Variants in DIPK1A observed in about 807,000 individuals in gnomAD.
The protein encoded by DIPK1A is divergent protein kinase domain 1A.
DIPK1A carries 27 observed loss-of-function variants against 40.8 expected under a neutral mutation model. The observed-to-expected ratio is 0.66, with a 90% confidence interval of 0.49 to 0.91. The LOEUF (loss-of-function observed/expected upper bound fraction) is 0.91. Among genes scored for constraint, DIPK1A ranks in the 40% least tolerant of loss-of-function variants. The pLI is 0.00. For synonymous variants in DIPK1A, 166 were observed against 171.3 expected (o/e 0.97, Z 0.24); for missense variants, 412 against 505.7 (o/e 0.81, Z 1.78).
rs1463286414 is a variant in DIPK1A, at chr1:92,947,390, T to C, written c.54+13986A>G. Among the ~76,000 whole-genome samples, 5 of 152,054 alleles carry C rather than the reference T, an allele frequency of 3.3e-5. No individual in the cohort carries two copies. In the East Asian group the frequency reaches 7.7e-4, roughly 23 times the overall value. On this transcript the variant is annotated intron_variant, in intron 1 of 4. Transcript: ENST00000370310. Reference sequence around the variant, plus strand: ...AGGGAAATGCAAATCAAAACTACAATGAGCTATCATCTCACCCCAGTTAGA... The same window carrying C: ...AGGGAAATGCAAATCAAAACTACAACGAGCTATCATCTCACCCCAGTTAGA...
chr1:92,913,201 A>G (rs1009319146), intron 1 of DIPK1A, among the ~76,000 whole-genome samples: 2 of 152,236 alleles, frequency 1.3e-5, no homozygotes, highest in Non-Finnish European at 2.9e-5. Context: ...ATGAGGTGTT[A>G]GCTTTCTAAT....
At chr1:92,889,072 A>T (rs1557470768) in intron 1 of DIPK1A, among the ~76,000 whole-genome samples, 2 of 152,144 alleles carry the variant, frequency 1.3e-5, no homozygotes, top group South Asian at 4.1e-4. Flanking sequence ...TCTCCATAAG[A>T]TCTTTGCCCA....
In DIPK1A at chr1:92,876,427, G is replaced by T. The variant is rs374076768; in HGVS notation, c.58C>A (p.Arg20Ser). 1 of 1,611,104 alleles carries T rather than the reference G, an allele frequency of 6.2e-7. No individual in the cohort carries two copies. The highest frequency in any genetic ancestry group is 8.5e-7 in the Non-Finnish European group (1 of 1,179,040). ...TATTTCATCCGCACATATGAGAAGC[G>T]AGCCTGTGAGTAAAAAAGAACATAA... is the stretch of plus-strand genomic sequence containing the variant. ...WLRKPYYLQA[R>S]FSYVRMKYLF... The change falls in exon 2 of 5, where the codon CGC (arginine) becomes AGC (serine). Residue 20 changes from arginine to serine, a missense_variant. Arg to Ser is a moderately radical substitution (Grantham distance 110). Coordinates refer to ENST00000370310, the MANE Select transcript of DIPK1A (RefSeq NM_001006605.5).
chr1:92,867,469 G>T (rs1350646708), intron 2 of DIPK1A, among the ~76,000 whole-genome samples: 1 of 152,146 alleles, frequency 6.6e-6, no homozygotes, highest in African/African-American at 2.4e-5. Context: ...TGGAACACAA[G>T]ATAGACCACA....
At position 92,912,991 on chromosome 1, in the gene DIPK1A, G is replaced by A. The variant is rs141006936; in HGVS notation, c.55-36561C>T. 6.1e-4 allele frequency among the ~76,000 whole-genome samples: 92 copies of A among 152,052 alleles called. 1 individual carries two copies. In the East Asian group the frequency reaches 0.017, roughly 28 times the overall value. Reference sequence around the variant, plus strand: ...TGGTGGCATGCATCTGTATACCCAGGTACTCAGGAAGCTAAGGCAGGAGAA... The same window carrying A: ...TGGTGGCATGCATCTGTATACCCAGATACTCAGGAAGCTAAGGCAGGAGAA... On this transcript the variant is annotated intron_variant, in intron 1 of 4. Coordinates refer to ENST00000370310, the MANE Select transcript of DIPK1A (RefSeq NM_001006605.5).
At chr1:92,920,058 G>A (rs1650211788) in intron 1 of DIPK1A, among the ~76,000 whole-genome samples, 2 of 152,198 alleles carry the variant, frequency 1.3e-5, no homozygotes, top group Admixed American at 6.5e-5. Context: ...ATTCAAAGAT[G>A]CATGAGACAT....
intron 1 of DIPK1A, among the ~76,000 whole-genome samples, chr1:92,898,244 A>G (rs1649265799): frequency 6.6e-6 from 1 of 152,168 alleles, no homozygotes; most frequent in Non-Finnish European, 1.5e-5. Flanking sequence ...TCATGGTGAA[A>G]GTGACAGGGA....
intron 2 of DIPK1A, among the ~76,000 whole-genome samples, chr1:92,859,076 C>G (rs574325439): frequency 3.3e-5 from 5 of 152,212 alleles, no homozygotes; most frequent in Non-Finnish European, 7.4e-5. Context: ...GAAACCCACC[C>G]GAGTTGAATG....
chr1:92,873,701 T>A (rs982459457), intron 2 of DIPK1A, among the ~76,000 whole-genome samples: 2 of 152,074 alleles, frequency 1.3e-5, no homozygotes, highest in African/African-American at 4.8e-5. Context: ...GGCTTTAAAA[T>A]ATACTTTTAA....
At chr1:92,933,682 A>C (rs769225276) in intron 1 of DIPK1A, 3 of 152,250 alleles carry the variant, frequency 2.0e-5, no homozygotes, top group African/African-American at 7.2e-5. Flanking sequence ...ATGCTGACCT[A>C]TATCTGCAAG....
chr1:92,955,195 G>A (rs572631538), intron 1 of DIPK1A, among the ~76,000 whole-genome samples: 4 of 151,932 alleles, frequency 2.6e-5, no homozygotes, highest in Non-Finnish European at 5.9e-5. Context: ...GGGGACAGAA[G>A]GATAAATAAG....
intron 1 of DIPK1A, among the ~76,000 whole-genome samples, chr1:92,907,528 C>A (rs1329533069): frequency 2.0e-5 from 3 of 151,914 alleles, no homozygotes; most frequent in Admixed American, 1.3e-4. Context: ...CAACCTTGAA[C>A]TCCTAGACTC....
intron 1 of DIPK1A, among the ~76,000 whole-genome samples, chr1:92,881,380 A>C (rs1209547291): frequency 6.7e-6 from 1 of 149,272 alleles, no homozygotes; most frequent in Non-Finnish European, 1.5e-5. Context: ...GAGTTTTAGC[A>C]TTCTTAATCT....
intron 1 of DIPK1A, among the ~76,000 whole-genome samples, chr1:92,898,421 C>A (rs934580416): frequency 1.3e-5 from 2 of 152,172 alleles, no homozygotes; most frequent in African/African-American, 4.8e-5. Flanking sequence ...ACACCTCCCA[C>A]CAGACCCCAT....
intron 4 of DIPK1A, chr1:92,833,446 A>C: frequency 6.2e-7 from 1 of 1,614,096 alleles, no homozygotes; most frequent in Non-Finnish European, 8.5e-7. Context: ...AGTGAAATTT[A>C]GAAGACGACG....
At chr1:92,845,442 G>A (rs1292419265) in intron 4 of DIPK1A, 11 of 319,920 alleles carry the variant, frequency 3.4e-5, no homozygotes, top group South Asian at 2.6e-4. Context: ...GCCAAGGTGG[G>A]CAGATAGCTT....
chr1:92,952,078 A>AAC (rs74350811), intron 1 of DIPK1A, among the ~76,000 whole-genome samples: 2 of 151,028 alleles, frequency 1.3e-5, no homozygotes, highest in African/African-American at 4.9e-5. Context: ...AAAAAAAAAA[A>AAC]ACACACACAA....
At chr1:92,841,326 T>C (rs1396587137), downstream of DIPK1A, among the ~76,000 whole-genome samples, 1 of 152,224 alleles carries the variant, frequency 6.6e-6, no homozygotes, top group Non-Finnish European at 1.5e-5. Context: ...CTCCACTTCA[T>C]TCATGTTGCA....
intron 1 of DIPK1A, among the ~76,000 whole-genome samples, chr1:92,921,004 A>C (rs933430234): frequency 6.6e-6 from 1 of 152,174 alleles, no homozygotes; most frequent in Non-Finnish European, 1.5e-5. Context: ...ATGGCCACCC[A>C]CAGAGTAGTC....
Sources: allele counts gnomAD v4.1 joint callset (sites outside exome capture counted in the v4.1 genomes callset), GRCh38; gene constraint gnomAD v4.1.1; transcripts MANE v1.5; gene names NCBI Gene and HGNC (gene_info 2026-07-23, HGNC 2026-07-21).